The following ATP8A2 variants were observed in gnomAD, a reference collection of about 807,000 sequenced individuals.
ATP8A2 encodes phospholipid-transporting ATPase IB.
Under a neutral mutation model 165.6 loss-of-function variants are expected in ATP8A2, and 100 were observed. That is an observed-to-expected ratio of 0.60 (90% CI 0.51 to 0.71). The LOEUF (loss-of-function observed/expected upper bound fraction) is 0.71, where lower values mean the gene tolerates loss of function less well. Among genes scored for constraint, ATP8A2 ranks in the 30% least tolerant of loss-of-function variants. ATP8A2 has a pLI of 0.00. For synonymous variants in ATP8A2, 543 were observed against 548.8 expected, an observed-to-expected ratio of 0.99 and a Z score of 0.15; for missense variants, 1,227 against 1,479.5, an observed-to-expected ratio of 0.83 and a Z score of 2.80.
chr13:25,913,419 A>G (rs1048751376), intron 33 of ATP8A2, among the ~76,000 whole-genome samples: 18 of 152,252 alleles, frequency 1.2e-4, no homozygotes. Flanking sequence ...TTGCCAGAAA[A>G]TTATTTTCCT....
Position 25,489,593 on chromosome 13 carries a change from C to T in ATP8A2, c.221+20472C>T, listed in dbSNP as rs550905084. ...GTTTCCCCTCGCATCCTCCCCAGCA[C>T]GACGCACAGTTCCTGCCAATGGGAA... On this transcript the variant is annotated intron_variant, in intron 2 of 36. Coordinates refer to ENST00000381655, the MANE Select transcript of ATP8A2 (RefSeq NM_016529.6). Among the ~76,000 whole-genome samples, 10 of 152,318 alleles carry T rather than the reference C, an allele frequency of 6.6e-5. No individual in the cohort carries two copies. In the East Asian group the frequency reaches 1.7e-3, roughly 26 times the overall value.
At position 25,774,913 on chromosome 13, in the gene ATP8A2, G is replaced by C. The variant is rs2044707783; in HGVS notation, c.2633G>C (p.Cys878Ser). The C allele has an allele frequency of 6.2e-7, 1 of 1,613,736 alleles. No homozygotes were observed. Among genetic ancestry groups the C allele is most frequent in the Non-Finnish European group, 8.5e-7 (1 of 1,179,660 alleles). ...TGGAGCTACAACCGGGTGACCAAGT[G>C]CATCTTGTACTGCTTCTATAAGAAC... Reference protein sequence around the residue: ...GAWSYNRVTKCILYCFYKNVV... With the variant: ...GAWSYNRVTKSILYCFYKNVV... Residue 878 changes from cysteine to serine, a missense_variant, in exon 27 of 37, where the codon TGC becomes TCC. Cys to Ser is a moderately radical substitution (Grantham distance 112). This residue lies in a region of ATP8A2 where 592 missense variants were observed against 785.6 expected (regional missense o/e 0.75). Transcript: ENST00000381655.
intron 17 of ATP8A2, 80 bp downstream of exon 17, chr13:25,570,952 C>G: frequency 9.8e-7 from 1 of 1,024,868 alleles, no homozygotes; most frequent in Non-Finnish European, 1.4e-6. Flanking sequence ...GAGGTGTTGC[C>G]ATGTAGTCCG....
intron 25 of ATP8A2, among the ~76,000 whole-genome samples, chr13:25,702,972 C>T (rs1323114815): frequency 1.3e-5 from 2 of 152,198 alleles, no homozygotes; most frequent in African/African-American, 4.8e-5. Context: ...CACATCTCCC[C>T]GTGTGCCTTC....
intron 33 of ATP8A2, among the ~76,000 whole-genome samples, chr13:25,908,761 AGAG>A (rs1245310358): frequency 6.6e-6 from 1 of 152,254 alleles, no homozygotes; most frequent in East Asian, 1.9e-4. Flanking sequence ...AACTGCCTTC[AGAG>A]GAGAAGCTCT....
At chr13:25,769,769 A>G (rs533183056) in intron 26 of ATP8A2, among the ~76,000 whole-genome samples, 124 of 152,310 alleles carry the variant, frequency 8.1e-4, no homozygotes, top group African/African-American at 2.9e-3. Flanking sequence ...TGAATTGCCA[A>G]GAGCACGAGC....
At chr13:25,698,675 T>C (rs2137908193) in intron 24 of ATP8A2, among the ~76,000 whole-genome samples, 1 of 152,256 alleles carries the variant, frequency 6.6e-6, no homozygotes, top group Admixed American at 6.5e-5. Flanking sequence ...TTCTATAACA[T>C]GGGAAAAATG....
At chr13:25,405,030 C>T (rs965354326) in intron 1 of ATP8A2, among the ~76,000 whole-genome samples, 1 of 152,094 alleles carries the variant, frequency 6.6e-6, no homozygotes, top group Non-Finnish European at 1.5e-5. Context: ...CTTGGAAGCA[C>T]AGGGATGGCC....
intron 24 of ATP8A2, among the ~76,000 whole-genome samples, chr13:25,655,162 T>G (rs955257295): frequency 3.3e-5 from 5 of 152,154 alleles, no homozygotes; most frequent in Non-Finnish European, 5.9e-5. Flanking sequence ...TTCTTTTTTC[T>G]TTTTTTCTTT....
At chr13:25,978,679 C>T (rs1956113845) in intron 35 of ATP8A2, among the ~76,000 whole-genome samples, 1 of 152,100 alleles carries the variant, frequency 6.6e-6, no homozygotes, top group Non-Finnish European at 1.5e-5. Flanking sequence ...CGGTGGCTCA[C>T]GCCTGTAATC....
intron 2 of ATP8A2, among the ~76,000 whole-genome samples, chr13:25,524,786 C>A (rs1248768658): frequency 2.0e-5 from 3 of 151,914 alleles, no homozygotes; most frequent in African/African-American, 7.2e-5. Context: ...CTATATATAT[C>A]TTTTAATTAG....
chr13:25,654,534 A>G (rs2041884464), intron 24 of ATP8A2, among the ~76,000 whole-genome samples: 1 of 152,088 alleles, frequency 6.6e-6, no homozygotes, highest in South Asian at 2.1e-4. Context: ...GACAGTTGTT[A>G]TGATGTTAAG....
intron 24 of ATP8A2, among the ~76,000 whole-genome samples, chr13:25,593,515 G>A (rs1184012383): frequency 6.6e-6 from 1 of 152,146 alleles, no homozygotes; most frequent in Non-Finnish European, 1.5e-5. Flanking sequence ...ACCCCAGGGG[G>A]ACACTAGATG....
At chr13:25,787,662 G>A (rs1407197513) in intron 27 of ATP8A2, among the ~76,000 whole-genome samples, 1 of 152,212 alleles carries the variant, frequency 6.6e-6, no homozygotes, top group Non-Finnish European at 1.5e-5. Flanking sequence ...TGTGGGAAAA[G>A]TCAAGCAAAA....
chr13:25,400,702 C>T (rs1276931962), intron 1 of ATP8A2, among the ~76,000 whole-genome samples: 1 of 152,162 alleles, frequency 6.6e-6, no homozygotes, highest in African/African-American at 2.4e-5. Flanking sequence ...CCATTTAACA[C>T]CAGACAGCAT....
chr13:25,635,209 C>G (rs957320564), intron 24 of ATP8A2, among the ~76,000 whole-genome samples: 1 of 152,086 alleles, frequency 6.6e-6, no homozygotes, highest in Non-Finnish European at 1.5e-5. Context: ...CATAAACACA[C>G]TTAGAGAGCA....
chr13:25,868,226 G>C (rs1593475527), intron 33 of ATP8A2: 2 of 405,620 alleles, frequency 4.9e-6, no homozygotes, highest in South Asian at 1.7e-5. Flanking sequence ...TTGGTTTAAG[G>C]AGCTGGTAAA....
intron 35 of ATP8A2, among the ~76,000 whole-genome samples, chr13:26,003,758 C>T (rs1179276362): frequency 6.6e-6 from 1 of 152,136 alleles, no homozygotes; most frequent in Non-Finnish European, 1.5e-5. Flanking sequence ...TTTGCCACCA[C>T]CATTTATTAA....
intron 1 of ATP8A2, among the ~76,000 whole-genome samples, chr13:25,401,701 G>T (rs764632382): frequency 1.3e-5 from 2 of 152,086 alleles, no homozygotes; most frequent in Admixed American, 1.3e-4. Context: ...CGGAAACCTC[G>T]GATGGTACCG....
Sources: allele counts gnomAD v4.1 joint callset (sites outside exome capture counted in the v4.1 genomes callset), GRCh38; gene constraint gnomAD v4.1.1; regional missense constraint gnomAD v4.1.1; transcripts MANE v1.5; gene names NCBI Gene and HGNC (gene_info 2026-07-23, HGNC 2026-07-21).